ARHGEF18: variants seen among roughly 807,000 people sequenced by gnomAD.
ARHGEF18 encodes the protein rho guanine nucleotide exchange factor 18.
Under a neutral mutation model 155.7 loss-of-function variants are expected in ARHGEF18, and 93 were observed. That is an observed-to-expected ratio of 0.60 (90% CI 0.50 to 0.71). ARHGEF18 has a LOEUF of 0.71. Among genes scored for constraint, ARHGEF18 ranks in the 30% least tolerant of loss-of-function variants. ARHGEF18 has a pLI of 0.00. For missense variants in ARHGEF18, 1,593 were observed against 1,816.1 expected, an observed-to-expected ratio of 0.88 and a Z score of 2.23; for synonymous variants, 742 against 753.1, an observed-to-expected ratio of 0.99 and a Z score of 0.24.
At chr19:7,420,842 G>A (rs1445145045) in intron 10 of ARHGEF18, among the ~76,000 whole-genome samples, 1 of 152,216 alleles carries the variant, frequency 6.6e-6, no homozygotes, top group Non-Finnish European at 1.5e-5. Context: ...TATGGGGTGA[G>A]CCTGTCAAAC....
intron 17 of ARHGEF18, among the ~76,000 whole-genome samples, chr19:7,455,186 G>A (rs185477312): frequency 3.3e-5 from 5 of 152,264 alleles, no homozygotes; most frequent in African/African-American, 7.2e-5. Context: ...CAGGTTTAGC[G>A]CCTTCTGCCT....
Position 7,453,704 on chromosome 19 carries a change from G to A in ARHGEF18, c.2093G>A (p.Gly698Glu). 6.4e-7 allele frequency: 1 copy of A among 1,565,402 alleles called. No individual in the cohort carries two copies. ...ATGCTATGCTGGAAGACCACATCAG[G>A]GCGCTTGAAAGGTAAAGGCCTGCCC... ...EGMLCWKTTS[G>E]RLKDILAILL... is the part of the protein sequence containing the mutation. The change falls in exon 17 of 29, where the codon GGG becomes GAG. Residue 698 changes from glycine to glutamate, a missense_variant. Transcript: ENST00000668164.
intron 10 of ARHGEF18, among the ~76,000 whole-genome samples, chr19:7,407,192 A>G (rs972620770): frequency 6.6e-6 from 1 of 151,994 alleles, no homozygotes; most frequent in African/African-American, 2.4e-5. Flanking sequence ...TGGGAGGCCA[A>G]GGTGGGTGGA....
At chr19:7,410,803 C>T (rs11880879) in intron 10 of ARHGEF18, among the ~76,000 whole-genome samples, 78,598 of 127,824 alleles carry the variant, frequency 0.61, 24,702 homozygotes, top group Middle Eastern at 0.77. Flanking sequence ...GCGTGAGACT[C>T]CATCTCAAAA....
chr19:7,371,065 C>T (rs1970183749), intron 2 of ARHGEF18, among the ~76,000 whole-genome samples: 1 of 152,090 alleles, frequency 6.6e-6, no homozygotes, highest in Non-Finnish European at 1.5e-5. Context: ...AGCCTCCCAC[C>T]ATGCCCAGCT....
downstream of ARHGEF18, chr19:7,473,422 G>A (rs919149513): frequency 3.0e-4 from 120 of 396,416 alleles, 1 homozygote; most frequent in South Asian, 2.2e-3. Flanking sequence ...CAGCATTTTG[G>A]GGAGGCGGGG....
chr19:7,441,068 A>G (rs954745530), intron 11 of ARHGEF18, among the ~76,000 whole-genome samples: 1 of 151,986 alleles, frequency 6.6e-6, no homozygotes, highest in African/African-American at 2.4e-5. Context: ...TGGTCTGTCA[A>G]GGAAGCTGCA....
At chr19:7,420,642 T>C (rs1973297609) in intron 10 of ARHGEF18, among the ~76,000 whole-genome samples, 1 of 152,318 alleles carries the variant, frequency 6.6e-6, no homozygotes, top group Non-Finnish European at 1.5e-5. Flanking sequence ...TTTGCACCCA[T>C]GGGTTCATGA....
At chr19:7,375,258 T>TGA (rs1412417291) in intron 3 of ARHGEF18, among the ~76,000 whole-genome samples, 19 of 116,652 alleles carry the variant, frequency 1.6e-4, no homozygotes, top group African/African-American at 7.0e-4. Context: ...GGTGACAGAG[T>TGA]GAGACTCTGT....
At chr19:7,380,847 G>C (rs1390365144) in intron 7 of ARHGEF18, 70 bp from the exon 8 acceptor site, 1 of 1,035,704 alleles carries the variant, frequency 9.7e-7, no homozygotes, top group African/African-American at 1.7e-5. Context: ...GCCTGTACTC[G>C]GTAGCACTGG....
chr19:7,427,138 G>T (rs1303217702), intron 10 of ARHGEF18, among the ~76,000 whole-genome samples: 1 of 152,172 alleles, frequency 6.6e-6, no homozygotes, highest in Admixed American at 6.5e-5. Context: ...CGCAGAACCT[G>T]CCAGGAAAGG....
chr19:7,386,378 T>A lies in ARHGEF18; in HGVS notation c.967+3175T>A, dbSNP rs542873114. ...GTGCCTGGGAGGAGGTTGAAAAGCA[T>A]CCATCGTCTTCACCCACTTGGTGGC... On this transcript the variant is annotated intron_variant, in intron 10 of 28. Coordinates refer to ENST00000668164, the MANE Select transcript of ARHGEF18 (RefSeq NM_001367823.1). 2.0e-5 allele frequency among the ~76,000 whole-genome samples: 3 copies of A among 151,998 alleles called. No homozygotes were observed. The East Asian group carries it at 5.8e-4, about 30-fold the overall frequency.
At chr19:7,373,225 A>G (rs1250912199) in intron 3 of ARHGEF18, among the ~76,000 whole-genome samples, 154 bp downstream of exon 3, 2 of 152,116 alleles carry the variant, frequency 1.3e-5, no homozygotes, top group East Asian at 3.9e-4. Context: ...ATGGAAGACA[A>G]TTTTTCCATG....
At chr19:7,377,980 C>G (rs1970540331) in intron 5 of ARHGEF18, among the ~76,000 whole-genome samples, 1 of 152,046 alleles carries the variant, frequency 6.6e-6, no homozygotes, top group Non-Finnish European at 1.5e-5. Flanking sequence ...GTAATCCCAG[C>G]TACTCGGGAG....
In ARHGEF18 at chr19:7,472,127, G is replaced by A. The variant is rs961657676; in HGVS notation, c.*1829G>A. 1 of 152,386 alleles carries A rather than the reference G, an allele frequency of 6.6e-6. No individual in the cohort carries two copies. The highest frequency in any genetic ancestry group is 6.5e-5 in the Admixed American group (1 of 15,278). The allele number at this position is 152,386 out of a possible 1,614,324, so 9.4% of individuals were successfully genotyped here. A position where few individuals can be genotyped will look rare whatever the true frequency, so the allele number is the denominator to read the frequency against. On this transcript the variant is annotated 3_prime_UTR_variant, in exon 29 of 29. Transcript: ENST00000668164. The stretch of plus-strand genomic sequence containing the variant: ...GAGATGCCACAATTCCTTGGATGGG[G>A]GAGAAGTTCAAGGAATTTCTGCTCG...
chr19:7,383,464 G>A (rs1471548585), intron 10 of ARHGEF18: 3 of 401,472 alleles, frequency 7.5e-6, no homozygotes, highest in East Asian at 3.6e-5. Context: ...GACTTGAGCC[G>A]TGTATGAGTT....
intron 27 of ARHGEF18, among the ~76,000 whole-genome samples, chr19:7,469,459 C>T (rs1170871497): frequency 6.6e-6 from 1 of 152,210 alleles, no homozygotes; most frequent in Non-Finnish European, 1.5e-5. Flanking sequence ...GGGACAGGTG[C>T]AGGCGCCTCT....
chr19:7,398,989 T>A (rs186054769), intron 10 of ARHGEF18, among the ~76,000 whole-genome samples: 85 of 152,340 alleles, frequency 5.6e-4, no homozygotes, highest in South Asian at 1.0e-3. Flanking sequence ...TTCTCACTCA[T>A]CCTGGGTCAT....
intron 10 of ARHGEF18, among the ~76,000 whole-genome samples, chr19:7,391,983 G>A (rs959198573): frequency 6.6e-6 from 1 of 152,176 alleles, no homozygotes; most frequent in Non-Finnish European, 1.5e-5. Context: ...GCTCACGCCT[G>A]TAATCCCAGC....
Sources: allele counts gnomAD v4.1 joint callset (sites outside exome capture counted in the v4.1 genomes callset), GRCh38; gene constraint gnomAD v4.1.1; transcripts MANE v1.5; gene names NCBI Gene and HGNC (gene_info 2026-07-23, HGNC 2026-07-21).